The following TRPM3 variants were observed in gnomAD, a reference collection of about 807,000 sequenced individuals.
The protein encoded by TRPM3 is long transient receptor potential channel 3.
Under a neutral mutation model 181.2 loss-of-function variants are expected in TRPM3, and 77 were observed. The ratio of observed to expected loss-of-function variants is 0.42; its 90% CI spans 0.35 to 0.51. The LOEUF (loss-of-function observed/expected upper bound fraction) is 0.51, where lower values mean the gene tolerates loss of function less well. Among genes scored for constraint, TRPM3 ranks in the 20% least tolerant of loss-of-function variants. The pLI is 0.01. For synonymous variants in TRPM3, 745 were observed against 796.4 expected, an observed-to-expected ratio of 0.94 and a Z score of 1.09; for missense variants, 1,759 against 2,196.7, an observed-to-expected ratio of 0.80 and a Z score of 3.98.
intron 5 of TRPM3, among the ~76,000 whole-genome samples, chr9:70,840,143 A>G (rs777387334): frequency 2.0e-5 from 3 of 152,204 alleles, no homozygotes; most frequent in Non-Finnish European, 4.4e-5. Flanking sequence ...ATCTCAAACT[A>G]TGTCATAAAT....
intron 8 of TRPM3, among the ~76,000 whole-genome samples, chr9:70,694,344 A>T (rs2069539968): frequency 6.6e-6 from 1 of 152,236 alleles, no homozygotes; most frequent in South Asian, 2.1e-4. Flanking sequence ...TCTAGAAGCC[A>T]TAGATTTTCT....
chr9:71,110,941 T>C (rs139959211), intron 1 of TRPM3, among the ~76,000 whole-genome samples: 5 of 152,302 alleles, frequency 3.3e-5, no homozygotes, highest in African/African-American at 9.6e-5. Flanking sequence ...CACTTATTCA[T>C]TGAAATGAAA....
chr9:70,650,993 T>C (rs1429062771), intron 9 of TRPM3, among the ~76,000 whole-genome samples: 1 of 152,144 alleles, frequency 6.6e-6, no homozygotes, highest in Admixed American at 6.6e-5. Context: ...CCCAGAAAAA[T>C]TTTTCTCCAC....
chr9:70,881,987 T>C (rs1319227095), intron 1 of TRPM3, among the ~76,000 whole-genome samples: 1 of 152,214 alleles, frequency 6.6e-6, no homozygotes, highest in Non-Finnish European at 1.5e-5. Context: ...TCATAAAGTA[T>C]GTTCTGAAAA....
chr9:70,943,936 C>T (rs540605479), intron 1 of TRPM3, among the ~76,000 whole-genome samples: 3 of 152,080 alleles, frequency 2.0e-5, no homozygotes, highest in Non-Finnish European at 2.9e-5. Context: ...CCCAACACCA[C>T]GCCTGGCTAA....
intron 1 of TRPM3, among the ~76,000 whole-genome samples, chr9:70,924,362 T>C (rs1193324724): frequency 6.6e-6 from 1 of 152,178 alleles, no homozygotes; most frequent in Non-Finnish European, 1.5e-5. Flanking sequence ...ATTGTGAATA[T>C]TTCTTCATAT....
At chr9:70,644,802 G>T (rs2133662569) in intron 9 of TRPM3, among the ~76,000 whole-genome samples, 1 of 152,306 alleles carries the variant, frequency 6.6e-6, no homozygotes. Context: ...TTTATATTCA[G>T]AAAGCCCCAT....
At chr9:70,966,118 A>G (rs1243928192) in intron 1 of TRPM3, among the ~76,000 whole-genome samples, 1 of 152,004 alleles carries the variant, frequency 6.6e-6, no homozygotes, top group Non-Finnish European at 1.5e-5. Flanking sequence ...AAGACGACAT[A>G]CATGTGGCCA....
chr9:71,014,891 A>G (rs544629736), intron 1 of TRPM3, among the ~76,000 whole-genome samples: 1 of 152,088 alleles, frequency 6.6e-6, no homozygotes, highest in South Asian at 2.1e-4. Context: ...TGCTATACTT[A>G]TTGGTAATTT....
intron 9 of TRPM3, among the ~76,000 whole-genome samples, chr9:70,668,523 G>A (rs887374899): frequency 6.6e-6 from 1 of 151,768 alleles, no homozygotes; most frequent in African/African-American, 2.4e-5. Context: ...AAATTAGCTG[G>A]GCGTGGTGGC....
chr9:71,206,250 A>G (rs1005098918), intron 1 of TRPM3, among the ~76,000 whole-genome samples: 5 of 152,170 alleles, frequency 3.3e-5, no homozygotes, highest in African/African-American at 4.8e-5. Context: ...CATCCTCTCC[A>G]GTATCTGTTG....
intron 9 of TRPM3, among the ~76,000 whole-genome samples, chr9:70,644,781 G>A (rs2058573206): frequency 1.3e-5 from 2 of 152,186 alleles, no homozygotes; most frequent in African/African-American, 2.4e-5. Flanking sequence ...TCTGTTTGCA[G>A]ATGACATGAT....
intron 8 of TRPM3, among the ~76,000 whole-genome samples, chr9:70,759,031 A>C (rs1289485700): frequency 6.6e-6 from 1 of 152,258 alleles, no homozygotes; most frequent in East Asian, 1.9e-4. Context: ...AACTATCATC[A>C]GAATGAACAG....
chr9:70,832,667 A>G (rs1264988753), intron 5 of TRPM3, among the ~76,000 whole-genome samples: 1 of 152,184 alleles, frequency 6.6e-6, no homozygotes, highest in Non-Finnish European at 1.5e-5. Context: ...ACCTTCAGTC[A>G]TGGGCTGGTG....
rs546672300 is a variant in TRPM3, at chr9:70,568,063, C to T, written c.3224-14753G>A. Among the ~76,000 whole-genome samples the T allele has an allele frequency of 1.3e-4, 20 of 152,248 alleles. 1 individual carries two copies. Among genetic ancestry groups the T allele is most frequent in the South Asian group, 8.3e-4 (4 of 4,820 alleles). On this transcript the variant is annotated intron_variant, in intron 22 of 25. Transcript: ENST00000677713. ...AAGCTAACAAGATATAAGGGAGTAG[C>T]CTCATGCCTGAATTGGATATGTGAA...
intron 1 of TRPM3, among the ~76,000 whole-genome samples, chr9:70,987,551 C>T (rs1291576511): frequency 6.6e-6 from 1 of 151,978 alleles, no homozygotes; most frequent in Non-Finnish European, 1.5e-5. Flanking sequence ...ATCAATATGC[C>T]ATTACTTTTA....
intron 8 of TRPM3, among the ~76,000 whole-genome samples, chr9:70,755,559 G>A (rs140915477): frequency 0.033 from 4,991 of 151,920 alleles, 83 homozygotes; most frequent in Middle Eastern, 0.054. Flanking sequence ...TAGTAGAGAC[G>A]GGGTTTCTTC....
chr9:71,435,731 A>T lies in TRPM3; in HGVS notation c.183+10922T>A, dbSNP rs1018258860. On this transcript the variant is annotated intron_variant, in intron 1 of 24. Coordinates refer to the TRPM3 transcript ENST00000357533. ...ACCTCCCAAGGAGGTTCACATCCTA[A>T]TTTCCAGAACCTGTGAATATGCTAC... is the stretch of plus-strand genomic sequence containing the variant. Among the ~76,000 whole-genome samples the T allele has an allele frequency of 8.5e-5, 13 of 152,314 alleles. No individual in the cohort carries two copies. In the East Asian group the frequency reaches 1.4e-3, roughly 16 times the overall value.
intron 1 of TRPM3, among the ~76,000 whole-genome samples, chr9:71,001,907 C>G (rs1000088078): frequency 1.3e-5 from 2 of 152,168 alleles, no homozygotes; most frequent in African/African-American, 4.8e-5. Flanking sequence ...TTTTATATAA[C>G]CCAAGGAACA....
Sources: allele counts gnomAD v4.1 joint callset (sites outside exome capture counted in the v4.1 genomes callset), GRCh38; gene constraint gnomAD v4.1.1; transcripts MANE v1.5; gene names NCBI Gene and HGNC (gene_info 2026-07-23, HGNC 2026-07-21).